The following TRMT11 variants were observed in gnomAD, a reference collection of about 807,000 sequenced individuals.
TRMT11 encodes tRNA (guanine(10)-N(2))-methyltransferase TRMT11.
Under a neutral mutation model 62.8 loss-of-function variants are expected in TRMT11, and 53 were observed. The ratio of observed to expected loss-of-function variants is 0.84; its 90% CI spans 0.68 to 1.06. The LOEUF (loss-of-function observed/expected upper bound fraction) is 1.06, where lower values mean the gene tolerates loss of function less well. TRMT11 is among the 50% of genes least tolerant of loss of function. TRMT11 has a pLI of 0.00. For synonymous variants in TRMT11, 188 were observed against 190.3 expected (o/e 0.99, Z 0.10); for missense variants, 556 against 553.4 (o/e 1.00, Z -0.05).
At chr6:126,097,123 G>A (rs139842942) in intron 17 of TRMT11, among the ~76,000 whole-genome samples, 114 of 152,252 alleles carry the variant, frequency 7.5e-4, no homozygotes, top group African/African-American at 2.2e-3. Flanking sequence ...CCCCCGAAAT[G>A]TATGATTTGA....
chr6:125,989,250 C>T (rs1790216179), intron 1 of TRMT11, among the ~76,000 whole-genome samples: 1 of 151,422 alleles, frequency 6.6e-6, no homozygotes, highest in Admixed American at 6.6e-5. Flanking sequence ...GCCTCAGCCT[C>T]CCGAGTAGCT....
chr6:126,136,067 G>C (rs993258484), intron 21 of TRMT11, among the ~76,000 whole-genome samples: 1 of 151,640 alleles, frequency 6.6e-6, no homozygotes, highest in Non-Finnish European at 1.5e-5. Flanking sequence ...TTTCTACAAA[G>C]ATCTGTAATA....
chr6:126,231,644 A>C, the TRMT11 span, among the ~76,000 whole-genome samples: 8 of 152,142 alleles, frequency 5.3e-5, no homozygotes, highest in African/African-American at 1.9e-4. Context: ...CACATGAGAA[A>C]GTGTATTGTT....
chr6:125,998,402 G>A (rs1791953695), intron 5 of TRMT11, 87 bp downstream of exon 5: 3 of 1,238,896 alleles, frequency 2.4e-6, no homozygotes, highest in Non-Finnish European at 3.4e-6. Context: ...TGTCTGTGAA[G>A]TGTTTATTTT....
chr6:126,213,008 C>A, the TRMT11 span, among the ~76,000 whole-genome samples: 2 of 152,248 alleles, frequency 1.3e-5, no homozygotes, highest in Admixed American at 6.5e-5. Flanking sequence ...GTTTTCCCAG[C>A]ACTACTTATT....
chr6:126,194,509 A>T (rs1259844684), intron 1 of TRMT11, among the ~76,000 whole-genome samples: 1 of 152,198 alleles, frequency 6.6e-6, no homozygotes, highest in Non-Finnish European at 1.5e-5. Flanking sequence ...AGATACATTA[A>T]TACAATCTTA....
the TRMT11 span, among the ~76,000 whole-genome samples, chr6:126,210,247 A>G: frequency 6.6e-6 from 1 of 152,226 alleles, no homozygotes; most frequent in Admixed American, 6.5e-5. Flanking sequence ...AGAGACAGGA[A>G]GCACTGTTGT....
At chr6:126,194,313 T>C (rs749480382) in intron 1 of TRMT11, among the ~76,000 whole-genome samples, 3 of 152,182 alleles carry the variant, frequency 2.0e-5, no homozygotes, top group Non-Finnish European at 4.4e-5. Context: ...AATATGTGCT[T>C]TATATGTTTG....
At chr6:126,081,764 T>A (rs1461893834) in intron 17 of TRMT11, among the ~76,000 whole-genome samples, 1 of 152,144 alleles carries the variant, frequency 6.6e-6, no homozygotes, top group Non-Finnish European at 1.5e-5. Flanking sequence ...GAGGGGGCCC[T>A]GCAGCAATTC....
chr6:126,026,382 TG>T (rs1248337485), intron 12 of TRMT11, among the ~76,000 whole-genome samples: 11 of 143,816 alleles, frequency 7.6e-5, no homozygotes, highest in Non-Finnish European at 1.3e-4. Context: ...ATTCTTTTTA[TG>T]TTTTTTTTTA....
intron 21 of TRMT11, among the ~76,000 whole-genome samples, chr6:126,151,944 T>TTTTTTTC (rs1778061592): frequency 9.3e-5 from 1 of 10,762 alleles, no homozygotes; most frequent in Non-Finnish European, 1.8e-4. Context: ...TCTTTCTTTC[T>TTTTTTTC]TTTCTTTCTT....
the TRMT11 span, among the ~76,000 whole-genome samples, chr6:126,209,186 C>T: frequency 2.0e-5 from 3 of 152,068 alleles, no homozygotes; most frequent in Non-Finnish European, 4.4e-5. Flanking sequence ...ATGGAACACA[C>T]TTAAAGAAAA....
intron 21 of TRMT11, among the ~76,000 whole-genome samples, chr6:126,144,927 A>G (rs1445435393): frequency 6.6e-6 from 1 of 152,164 alleles, no homozygotes; most frequent in Non-Finnish European, 1.5e-5. Flanking sequence ...TGACTTTTTA[A>G]TACTGTTGTG....
At chr6:126,019,922 A>T (rs892828636) in intron 11 of TRMT11, among the ~76,000 whole-genome samples, 5 of 152,238 alleles carry the variant, frequency 3.3e-5, no homozygotes, top group African/African-American at 1.2e-4. Context: ...TGAAGTGCTC[A>T]TTACTTGTTA....
chr6:126,239,758 T>G, the TRMT11 span, among the ~76,000 whole-genome samples: 1 of 152,354 alleles, frequency 6.6e-6, no homozygotes, highest in East Asian at 1.9e-4. Flanking sequence ...TTGGCCTGCC[T>G]TGCTAGACTG....
At chr6:126,151,863 T>TTTCC (rs1554242267) in intron 21 of TRMT11, among the ~76,000 whole-genome samples, 13 of 126,328 alleles carry the variant, frequency 1.0e-4, no homozygotes, top group East Asian at 6.2e-4. Flanking sequence ...TCTTTCTTTC[T>TTTCC]TTCCTTCTTT....
chr6:126,108,991 C>T (rs891179631), intron 17 of TRMT11, among the ~76,000 whole-genome samples: 3 of 152,042 alleles, frequency 2.0e-5, no homozygotes, highest in Non-Finnish European at 4.4e-5. Flanking sequence ...CTTCCATATC[C>T]CTCCAACTAT....
At chr6:126,074,877 AAGTC>A (rs1302469379) in intron 17 of TRMT11, among the ~76,000 whole-genome samples, 7 of 152,192 alleles carry the variant, frequency 4.6e-5, no homozygotes, top group Admixed American at 2.0e-4. Context: ...AAAAATCTAA[AAGTC>A]AGTATTCATT....
chr6:126,158,744 G>T (rs1173773922), intron 21 of TRMT11, among the ~76,000 whole-genome samples: 1 of 152,084 alleles, frequency 6.6e-6, no homozygotes, highest in African/African-American at 2.4e-5. Flanking sequence ...AAATTTTAGG[G>T]AAAAAAGCAA....
Sources: gnomAD v4.1 joint callset for allele counts (sites outside exome capture counted in the v4.1 genomes callset) on GRCh38, gnomAD v4.1.1 for gene constraint, MANE v1.5 for transcripts, NCBI Gene and HGNC (gene_info 2026-07-23, HGNC 2026-07-21) for gene names.